Variants in COL25A1 observed in about 807,000 individuals in gnomAD.
The protein encoded by COL25A1 is collagen alpha-1(XXV) chain.
In COL25A1, 103 loss-of-function variants were observed where a neutral mutation model predicts 128.4. The observed-to-expected ratio is 0.80, with a 90% CI of 0.68 to 0.94. The LOEUF is 0.94. COL25A1 is among the 40% of genes least tolerant of loss of function. The pLI, the probability that COL25A1 is intolerant of heterozygous loss-of-function variation, is 0.00. For synonymous variants in COL25A1, 279 were observed against 277.2 expected, an observed-to-expected ratio of 1.01 and a Z score of -0.06; for missense variants, 745 against 840.0, an observed-to-expected ratio of 0.89 and a Z score of 1.40.
intron 3 of COL25A1, among the ~76,000 whole-genome samples, chr4:109,280,526 A>G (rs1439835249): frequency 6.6e-6 from 1 of 152,232 alleles, no homozygotes; most frequent in African/African-American, 2.4e-5. Context: ...CTATGAAGAC[A>G]TTCATGAGAC....
chr4:108,843,892 T>C (rs200307152), intron 30 of COL25A1, among the ~76,000 whole-genome samples: 1,277 of 23,578 alleles, frequency 0.054, 17 homozygotes, highest in African/African-American at 0.13. Flanking sequence ...ATTATTACTA[T>C]TATTATTATT....
intron 8 of COL25A1, among the ~76,000 whole-genome samples, chr4:108,951,101 G>C (rs927589420): frequency 2.6e-5 from 4 of 152,182 alleles, no homozygotes; most frequent in African/African-American, 9.7e-5. Flanking sequence ...TTCTGGTAAG[G>C]TGAGTTTGGC....
At chr4:108,843,706 G>C (rs995248338) in intron 30 of COL25A1, among the ~76,000 whole-genome samples, 2 of 152,044 alleles carry the variant, frequency 1.3e-5, no homozygotes, top group Non-Finnish European at 1.5e-5. Flanking sequence ...GAGGAAGTAA[G>C]CTGCAATTTT....
chr4:108,920,561 T>C lies in COL25A1; in HGVS notation c.735+17A>G, dbSNP rs1745380893. ...GAGAGCATAATTACTTTCACAATAT[T>C]GTTGTTTATACTCTACCTTTTGTCC... On this transcript the variant is annotated intron_variant, in intron 12 of 37. Transcript: ENST00000399132. The C allele has an allele frequency of 3.8e-6, 6 of 1,593,102 alleles. No individual in the cohort carries two copies. Among genetic ancestry groups the C allele is most frequent in the South Asian group, 1.1e-5 (1 of 89,060 alleles).
chr4:109,208,727 C>A (rs968813735), intron 3 of COL25A1, among the ~76,000 whole-genome samples: 1 of 152,122 alleles, frequency 6.6e-6, no homozygotes, highest in Non-Finnish European at 1.5e-5. Flanking sequence ...ATACATGAGT[C>A]CACATAACTT....
intron 35 of COL25A1, chr4:108,823,934 G>T (rs892162522): frequency 7.1e-7 from 1 of 1,404,052 alleles, no homozygotes. Flanking sequence ...TTGAAAAACT[G>T]TAGCTAGAAT....
chr4:109,000,990 A>G (rs1174398864), intron 6 of COL25A1, among the ~76,000 whole-genome samples: 1 of 151,972 alleles, frequency 6.6e-6, no homozygotes, highest in Non-Finnish European at 1.5e-5. Context: ...AAAGAAGTAA[A>G]TGGTTTGATT....
intron 31 of COL25A1, among the ~76,000 whole-genome samples, chr4:108,839,197 CA>C (rs1250858162): frequency 1.3e-5 from 2 of 152,164 alleles, no homozygotes; most frequent in Non-Finnish European, 2.9e-5. Flanking sequence ...TTCAGGGCCC[CA>C]CCCAGTCCAT....
chr4:108,832,493 A>C (rs1733252404), intron 31 of COL25A1, 60 bp from the exon 32 acceptor site: 13 of 1,183,378 alleles, frequency 1.1e-5, no homozygotes, highest in Non-Finnish European at 1.5e-5. Flanking sequence ...GTTATAATTT[A>C]TCCTGGATTT....
chr4:108,976,575 CAG>C (rs1406406246), intron 6 of COL25A1, among the ~76,000 whole-genome samples: 1 of 152,178 alleles, frequency 6.6e-6, no homozygotes, highest in African/African-American at 2.4e-5. Context: ...TGGAGCATTT[CAG>C]AGTCACCTTC....
intron 3 of COL25A1, among the ~76,000 whole-genome samples, chr4:109,173,198 C>T (rs1191110046): frequency 6.6e-6 from 1 of 151,972 alleles, no homozygotes; most frequent in East Asian, 1.9e-4. Flanking sequence ...TGATCCTCCC[C>T]TTTCAGACCC....
chr4:109,076,832 C>T (rs56183662), intron 3 of COL25A1, among the ~76,000 whole-genome samples: 1 of 152,110 alleles, frequency 6.6e-6, no homozygotes, highest in African/African-American at 2.4e-5. Context: ...CTCACATGCA[C>T]AGTTCACAAT....
At chr4:108,887,224 C>A (rs971892168) in intron 18 of COL25A1, among the ~76,000 whole-genome samples, 3 of 152,096 alleles carry the variant, frequency 2.0e-5, no homozygotes, top group African/African-American at 7.2e-5. Context: ...AACTGATGAG[C>A]TTTTTGCTGT....
At position 108,913,675 on chromosome 4, in the gene COL25A1, T is replaced by C. The variant is rs566223456; in HGVS notation, c.780+4497A>G. Reference sequence around the variant, plus strand: ...AAGAAAGATGAAAATCAGGAAAAAGTAGAAAAATGCAGAGTTTTAATAACA... The same window carrying C: ...AAGAAAGATGAAAATCAGGAAAAAGCAGAAAAATGCAGAGTTTTAATAACA... On this transcript the variant is annotated intron_variant, in intron 13 of 37. Transcript: ENST00000399132. 2.3e-4 allele frequency among the ~76,000 whole-genome samples: 35 copies of C among 152,280 alleles called. No individual in the cohort carries two copies. In the South Asian group the frequency reaches 7.3e-3, roughly 32 times the overall value.
At chr4:109,123,221 T>A (rs1175863369) in intron 3 of COL25A1, among the ~76,000 whole-genome samples, 1 of 151,746 alleles carries the variant, frequency 6.6e-6, no homozygotes, top group African/African-American at 2.4e-5. Context: ...AGAACTTTAA[T>A]AAGGATGTCT....
At chr4:108,844,618 G>A in intron 29 of COL25A1, 49 bp from the exon 30 acceptor site, 1 of 1,581,578 alleles carries the variant, frequency 6.3e-7, no homozygotes, top group Non-Finnish European at 8.6e-7. Context: ...ATTTAGATAA[G>A]GCAGTTCAAC....
intron 20 of COL25A1, among the ~76,000 whole-genome samples, chr4:108,867,699 C>T (rs890794120): frequency 3.3e-5 from 5 of 152,060 alleles, no homozygotes; most frequent in African/African-American, 1.2e-4. Flanking sequence ...CTGTTGAATG[C>T]AGTACACATT....
At chr4:108,893,957 G>T (rs1299175912) in intron 16 of COL25A1, among the ~76,000 whole-genome samples, 1 of 152,094 alleles carries the variant, frequency 6.6e-6, no homozygotes, top group East Asian at 1.9e-4. Flanking sequence ...AAGGTTTATA[G>T]AAATAATTTC....
At chr4:108,934,576 G>A (rs1047986215) in intron 11 of COL25A1, among the ~76,000 whole-genome samples, 1 of 152,114 alleles carries the variant, frequency 6.6e-6, no homozygotes, top group Non-Finnish European at 1.5e-5. Context: ...TTTGATATGA[G>A]TTAAAATATA....
Sources: gnomAD v4.1 joint callset for allele counts (sites outside exome capture counted in the v4.1 genomes callset) on GRCh38, gnomAD v4.1.1 for gene constraint, MANE v1.5 for transcripts, NCBI Gene and HGNC (gene_info 2026-07-23, HGNC 2026-07-21) for gene names.